The following SLC24A5 variants were observed in gnomAD, a reference collection of about 807,000 sequenced individuals.
SLC24A5 encodes solute carrier family 24 member 5.
In SLC24A5, 46 loss-of-function variants were observed where a neutral mutation model predicts 51.6. The ratio of observed to expected loss-of-function variants is 0.89; its 90% CI spans 0.70 to 1.14. The LOEUF (loss-of-function observed/expected upper bound fraction) is 1.14, where lower values mean the gene tolerates loss of function less well. Ranked by LOEUF, SLC24A5 falls within the 50% of genes most tolerant of loss-of-function variation. The pLI is 0.00. For synonymous variants in SLC24A5, 230 were observed against 214.9 expected (o/e 1.07, Z -0.62); for missense variants, 581 against 604.1 (o/e 0.96, Z 0.40).
Position 48,142,475 on chromosome 15 carries a change from T to G in SLC24A5, c.*124T>G. 1.4e-6 allele frequency: 1 copy of G among 711,206 alleles called. No homozygotes were observed. The highest frequency in any genetic ancestry group is 2.1e-6 in the Non-Finnish European group (1 of 477,408). The allele number at this position is 711,206 out of a possible 1,614,324, so 44.1% of individuals were successfully genotyped here. A position where few individuals can be genotyped will look rare whatever the true frequency, so the allele number is the denominator to read the frequency against. On this transcript the variant is annotated 3_prime_UTR_variant, in exon 9 of 9. Coordinates refer to ENST00000341459, the MANE Select transcript of SLC24A5 (RefSeq NM_205850.3). Reference sequence around the variant, plus strand: ...TTAGAATCTAAAACTTACAGTAATTTAAAACCAACCAAAATCACATCCTAA... The same window carrying G: ...TTAGAATCTAAAACTTACAGTAATTGAAAACCAACCAAAATCACATCCTAA...
chr15:48,132,565 T>C (rs1269689476), intron 2 of SLC24A5, among the ~76,000 whole-genome samples: 1 of 152,054 alleles, frequency 6.6e-6, no homozygotes, highest in Non-Finnish European at 1.5e-5. Flanking sequence ...ACCCCAAAAC[T>C]AGTGGCTAAA....
chr15:48,135,100 T>A, intron 5 of SLC24A5, 116 bp downstream of exon 5: 1 of 711,038 alleles, frequency 1.4e-6, no homozygotes, highest in Non-Finnish European at 2.4e-6. Flanking sequence ...TTCTATACCA[T>A]ATTCCAACAG....
chr15:48,141,917 T>C (rs2039103379), intron 8 of SLC24A5, 112 bp from the exon 9 acceptor site: 8 of 814,710 alleles, frequency 9.8e-6, no homozygotes, highest in Non-Finnish European at 1.1e-5. Context: ...AACAACAATT[T>C]TTCAAAACGA....
chr15:48,128,465 T>C (rs182068097), intron 2 of SLC24A5, among the ~76,000 whole-genome samples: 5 of 152,206 alleles, frequency 3.3e-5, no homozygotes, highest in Non-Finnish European at 5.9e-5. Context: ...GCTTATGTTC[T>C]ACTTTACATT....
rs1292742193 is a variant in SLC24A5, at chr15:48,121,135, T to A, written c.91T>A (p.Ser31Thr). 6.2e-7 allele frequency: 1 copy of A among 1,613,562 alleles called. No individual in the cohort carries two copies. Among genetic ancestry groups the A allele is most frequent in the Admixed American group, 1.7e-5 (1 of 59,976 alleles). ...ATAHLPLSGT[S>T]LPQRLPRATG... ...TGCACATCTGCCTCTCTCAGGGACC[T>A]CCCTGCCCCAACGTCTCCCAAGGGC... Residue 31 changes from serine to threonine, a missense_variant, in exon 1 of 9, where the codon TCC becomes ACC. Coordinates refer to ENST00000341459, the MANE Select transcript of SLC24A5 (RefSeq NM_205850.3).
At chr15:48,141,049 A>G (rs1281940003) in intron 7 of SLC24A5, 64 bp from the exon 8 acceptor site, 8 of 1,339,706 alleles carry the variant, frequency 6.0e-6, no homozygotes, top group Non-Finnish European at 8.5e-6. Flanking sequence ...AATATCCAAA[A>G]TAACTGCAAA....
In SLC24A5 at chr15:48,122,004, A is replaced by G. The variant is rs752297336; in HGVS notation, c.269A>G (p.Tyr90Cys). Residue 90 changes from tyrosine to cysteine, a missense_variant, in exon 2 of 9, where the codon TAC becomes TGC. Coordinates refer to ENST00000341459, the MANE Select transcript of SLC24A5 (RefSeq NM_205850.3). ...GCCATATCTATTGTCTGTGATGAAT[A>G]CTTCCTACCCTCCCTGGAAATCATC... ...FMAISIVCDEYFLPSLEIISE... is the reference protein window; with the variant it reads ...FMAISIVCDECFLPSLEIISE... 3.1e-6 allele frequency: 5 copies of G among 1,614,070 alleles called. No individual in the cohort carries two copies. The highest frequency in any genetic ancestry group is 2.7e-5 in the African/African-American group (2 of 74,932).
intron 6 of SLC24A5, 120 bp from the exon 7 acceptor site, chr15:48,138,849 T>G (rs1413381138): frequency 1.4e-6 from 1 of 739,170 alleles, no homozygotes; most frequent in Non-Finnish European, 2.2e-6. Flanking sequence ...CTCAAATGTT[T>G]TAAACAGCCT....
intron 4 of SLC24A5, 37 bp downstream of exon 4, chr15:48,134,575 T>C (rs2038850154): frequency 2.0e-6 from 3 of 1,507,318 alleles, no homozygotes; most frequent in Middle Eastern, 1.9e-4. Context: ...TGTATTGTCT[T>C]AAAAAATTCT....
chr15:48,138,784 T>G lies in SLC24A5; in HGVS notation c.872-185T>G, dbSNP rs2038965695. 3 of 565,704 alleles carry G rather than the reference T, an allele frequency of 5.3e-6. No homozygotes were observed. In the South Asian group the frequency reaches 7.2e-5, roughly 14 times the overall value. 35.0% of individuals were successfully genotyped at this position (565,704 alleles called of 1,614,324 possible). The stretch of plus-strand genomic sequence containing the variant: ...ATGCGGAGTATCACATCTTACATTG[T>G]CTGCCCTAAAGTTTCAATTAGTTTC... On this transcript the variant is annotated intron_variant, in intron 6 of 8. Transcript: ENST00000341459.
intron 1 of SLC24A5, among the ~76,000 whole-genome samples, 174 bp from the exon 2 acceptor site, chr15:48,121,683 T>C (rs546578696): frequency 2.0e-5 from 3 of 152,224 alleles, no homozygotes; most frequent in Admixed American, 1.3e-4. Context: ...CCCAAAAAAA[T>C]TTTTTGAAAA....
In SLC24A5 at chr15:48,128,893, C is replaced by A. The variant is rs552299015; in HGVS notation, c.302-5365C>A. 3.9e-5 allele frequency among the ~76,000 whole-genome samples: 6 copies of A among 152,244 alleles called. No homozygotes were observed. In the East Asian group the frequency reaches 1.2e-3, roughly 29 times the overall value. Reference sequence around the variant, plus strand: ...ATGTATTATCTCTTTACTTTGCCCACATGGATAGCTGAAAGGGCAGCTTCT... The same window carrying A: ...ATGTATTATCTCTTTACTTTGCCCAAATGGATAGCTGAAAGGGCAGCTTCT... On this transcript the variant is annotated intron_variant, in intron 2 of 8. Coordinates refer to ENST00000341459, the MANE Select transcript of SLC24A5 (RefSeq NM_205850.3).
At chr15:48,130,234 A>G (rs2140718104) in intron 2 of SLC24A5, among the ~76,000 whole-genome samples, 1 of 152,264 alleles carries the variant, frequency 6.6e-6, no homozygotes, top group Non-Finnish European at 1.5e-5. Context: ...GGAGGAAAAA[A>G]CTAGAAAAAT....
chr15:48,141,534 G>A lies in SLC24A5; in HGVS notation c.1180+320G>A, dbSNP rs138354861. On this transcript the variant is annotated intron_variant, in intron 8 of 8. Transcript: ENST00000341459. ...GGAGGTTGCAGTGAGCCGAGATTGC[G>A]CCACGGCACTCCAGCAGCCTGGGCA... The A allele has an allele frequency of 3.8e-3, 684 of 182,032 alleles. 6 individuals carry two copies. The highest frequency in any genetic ancestry group is 0.016 in the African/African-American group (648 of 41,522). The allele number at this position is 182,032 out of a possible 1,614,324, so 11.3% of individuals were successfully genotyped here.
rs754321211 is a variant in SLC24A5, at chr15:48,136,941, T to G, written c.849T>G (p.His283Gln). ...ACTCTCAGCTCTCTATAAGTTTACA[T>G]GGCCTTAGTCAGGTTTCTGAAGGTA... ...SGYSQLSISL[H>Q]GLSQVSEDPP... Residue 283 changes from histidine to glutamine, a missense_variant, in exon 6 of 9, where the codon CAT (histidine) becomes CAG (glutamine). Physicochemically the swap from His to Gln is conservative, Grantham distance 24. Transcript: ENST00000341459. The G allele has an allele frequency of 6.2e-7, 1 of 1,612,920 alleles. No individual in the cohort carries two copies. The highest frequency in any genetic ancestry group is 1.1e-5 in the South Asian group (1 of 91,000).
At chr15:48,131,659 G>A (rs1050858392) in intron 2 of SLC24A5, among the ~76,000 whole-genome samples, 8 of 152,034 alleles carry the variant, frequency 5.3e-5, no homozygotes, top group African/African-American at 1.9e-4. Context: ...GAGGAATCAT[G>A]AGCCAAATAA....
intron 2 of SLC24A5, among the ~76,000 whole-genome samples, chr15:48,132,963 T>G (rs1381823484): frequency 6.6e-6 from 1 of 152,046 alleles, no homozygotes; most frequent in Non-Finnish European, 1.5e-5. Context: ...ATTATTGTAA[T>G]ATACAATCTG....
At chr15:48,134,591 T>C in intron 4 of SLC24A5, 53 bp downstream of exon 4, 1 of 1,426,124 alleles carries the variant, frequency 7.0e-7, no homozygotes, top group Non-Finnish European at 9.8e-7. Context: ...ATTCTAAAGA[T>C]AACTGTTCGT....
intron 2 of SLC24A5, chr15:48,122,368 A>G: frequency 2.3e-6 from 1 of 426,056 alleles, no homozygotes; most frequent in Non-Finnish European, 4.1e-6. Flanking sequence ...TCCTAATACA[A>G]TGAAACTCCT....
Sources: allele counts gnomAD v4.1 joint callset (sites outside exome capture counted in the v4.1 genomes callset), GRCh38; gene constraint gnomAD v4.1.1; transcripts MANE v1.5; gene names NCBI Gene and HGNC (gene_info 2026-07-23, HGNC 2026-07-21).